Variants in TAX1BP1 observed in about 807,000 individuals in gnomAD.
TAX1BP1 encodes tax1-binding protein 1.
In TAX1BP1, 62 loss-of-function variants were observed where a neutral mutation model predicts 97.7. That is an observed-to-expected ratio of 0.63 (90% confidence interval 0.52 to 0.78). The LOEUF (loss-of-function observed/expected upper bound fraction) is 0.78. Ranked by LOEUF, TAX1BP1 falls within the 30% of genes least tolerant of loss-of-function variation. The pLI is 0.00. For synonymous variants in TAX1BP1, 340 were observed against 304.2 expected (o/e 1.12, Z -1.23); for missense variants, 867 against 916.1 (o/e 0.95, Z 0.69).
intron 8 of TAX1BP1, 62 bp from the exon 9 acceptor site, chr7:27,791,944 T>C: frequency 6.5e-7 from 1 of 1,534,870 alleles, no homozygotes; most frequent in East Asian, 2.3e-5. Context: ...GCGAAAATTG[T>C]TTCTGCTTCT....
At chr7:27,803,405 A>G (rs909941425) in intron 13 of TAX1BP1, among the ~76,000 whole-genome samples, 18 of 152,242 alleles carry the variant, frequency 1.2e-4, no homozygotes, top group Admixed American at 1.0e-3. Flanking sequence ...ACATTCACAT[A>G]GAGCAATACA....
At chr7:27,743,093 T>C (rs1787682112) in intron 1 of TAX1BP1, among the ~76,000 whole-genome samples, 1 of 152,182 alleles carries the variant, frequency 6.6e-6, no homozygotes, top group Admixed American at 6.5e-5. Flanking sequence ...GCCAATATCA[T>C]AGCATTTTAG....
chr7:27,806,635 T>C (rs567639113), intron 13 of TAX1BP1, among the ~76,000 whole-genome samples: 2 of 152,274 alleles, frequency 1.3e-5, no homozygotes, highest in African/African-American at 4.8e-5. Flanking sequence ...GGTAGTAACA[T>C]GGTGTTTTAA....
At chr7:27,794,539 T>C (rs1334480348) in intron 11 of TAX1BP1, 93 bp downstream of exon 11, 1 of 1,361,480 alleles carries the variant, frequency 7.3e-7, no homozygotes, top group Non-Finnish European at 9.7e-7. Flanking sequence ...AGGATGTTCA[T>C]AAAAATTTTC....
rs1440493926 is a variant in TAX1BP1 at position 27,785,415 on chromosome 7, A to G, written c.778A>G (p.Lys260Glu). 1.2e-6 allele frequency: 2 copies of G among 1,612,780 alleles called. No homozygotes were observed. Among genetic ancestry groups the G allele is most frequent in the South Asian group, 2.2e-5 (2 of 90,714 alleles). Residue 260 changes from lysine to glutamate, a missense_variant, in exon 7 of 17, where the codon AAG (lysine) becomes GAG (glutamate). Transcript: ENST00000396319. ...TELDSLKDKL[K>E]KAQHEREQLE... ...CTATCTTAGTTTAAAGGACAAACTC[A>G]AGAAGGCACAACATGAAAGAGAACA... is the stretch of plus-strand genomic sequence containing the variant.
chr7:27,783,151 G>A (rs17155836), intron 5 of TAX1BP1, among the ~76,000 whole-genome samples: 19,906 of 152,034 alleles, frequency 0.13, 1,555 homozygotes, highest in African/African-American at 0.21. Context: ...TTTCATATCG[G>A]CATACAATGT....
At chr7:27,799,888 A>G (rs1273764165) in intron 12 of TAX1BP1, 77 bp from the exon 13 acceptor site, 5 of 1,187,822 alleles carry the variant, frequency 4.2e-6, no homozygotes, top group African/African-American at 3.1e-5. Context: ...TGTTCAGCCC[A>G]TATCTAAGTA....
intron 4 of TAX1BP1, among the ~76,000 whole-genome samples, chr7:27,767,864 TG>T (rs1176676113): frequency 2.6e-5 from 4 of 152,134 alleles, no homozygotes; most frequent in Non-Finnish European, 4.4e-5. Context: ...TGAGATTAAA[TG>T]TTTTTTTAAC....
chr7:27,825,670 G>A lies in TAX1BP1; in HGVS notation c.2086-2068G>A, dbSNP rs1477216815. Among the ~76,000 whole-genome samples the A allele has an allele frequency of 3.3e-5, 5 of 152,136 alleles. No individual in the cohort carries two copies. The East Asian group carries it at 5.8e-4, about 18-fold the overall frequency. ...TTACTTCTACCTTTTTTCCCCTCCAGGTATTTAACGAGCAGGGTTAACATG... is the reference window on the plus strand; with the variant it reads ...TTACTTCTACCTTTTTTCCCCTCCAAGTATTTAACGAGCAGGGTTAACATG... On this transcript the variant is annotated intron_variant, in intron 15 of 16. Transcript: ENST00000396319.
At chr7:27,747,224 G>A (rs139215796) in intron 1 of TAX1BP1, among the ~76,000 whole-genome samples, 4 of 152,258 alleles carry the variant, frequency 2.6e-5, no homozygotes, top group African/African-American at 4.8e-5. Context: ...GTGATTGTAC[G>A]GAGCCTGTGA....
intron 13 of TAX1BP1, among the ~76,000 whole-genome samples, chr7:27,809,304 A>C (rs1006366224): frequency 6.6e-6 from 1 of 152,256 alleles, no homozygotes; most frequent in Admixed American, 6.5e-5. Flanking sequence ...AATATGAAAC[A>C]AATCTGTTTG....
At chr7:27,813,177 A>G (rs908677761) in intron 13 of TAX1BP1, among the ~76,000 whole-genome samples, 7 of 131,120 alleles carry the variant, frequency 5.3e-5, no homozygotes, top group Non-Finnish European at 4.7e-5. Context: ...TCTTAAAGAC[A>G]GCATCTCCCT....
At chr7:27,812,872 A>G (rs987381975) in intron 13 of TAX1BP1, among the ~76,000 whole-genome samples, 1 of 152,180 alleles carries the variant, frequency 6.6e-6, no homozygotes, top group African/African-American at 2.4e-5. Flanking sequence ...TATATGCTAA[A>G]TCTGGCTTTA....
At chr7:27,800,730 G>A (rs1790102072) in intron 13 of TAX1BP1, among the ~76,000 whole-genome samples, 1 of 152,118 alleles carries the variant, frequency 6.6e-6, no homozygotes, top group African/African-American at 2.4e-5. Context: ...AGCAAGTGAT[G>A]TAATCTTAAC....
intron 1 of TAX1BP1, among the ~76,000 whole-genome samples, chr7:27,746,905 G>A (rs1318346039): frequency 3.9e-5 from 6 of 152,160 alleles, no homozygotes; most frequent in Non-Finnish European, 8.8e-5. Flanking sequence ...ATTTTTTAAA[G>A]TGCTTATTAT....
At chr7:27,745,996 A>G (rs1583661994) in intron 1 of TAX1BP1, among the ~76,000 whole-genome samples, 1 of 152,124 alleles carries the variant, frequency 6.6e-6, no homozygotes, top group Non-Finnish European at 1.5e-5. Context: ...TCAGTGAACT[A>G]AAAGTATAAG....
At chr7:27,821,628 C>T (rs1014930611) in intron 15 of TAX1BP1, among the ~76,000 whole-genome samples, 11 of 123,170 alleles carry the variant, frequency 8.9e-5, no homozygotes, top group Admixed American at 5.0e-4. Flanking sequence ...GAGCAAGACT[C>T]GGTCTCAAAA....
chr7:27,811,022 T>G (rs766901879), intron 13 of TAX1BP1, among the ~76,000 whole-genome samples: 6 of 152,114 alleles, frequency 3.9e-5, no homozygotes, highest in Non-Finnish European at 8.8e-5. Flanking sequence ...TTACCACAAT[T>G]AATTGCTAAT....
chr7:27,765,279 C>T (rs1788591506), intron 3 of TAX1BP1, among the ~76,000 whole-genome samples: 1 of 151,780 alleles, frequency 6.6e-6, no homozygotes, highest in African/African-American at 2.4e-5. Flanking sequence ...CTTGGCCTTC[C>T]AAAGTGCTGG....
Sources: gnomAD v4.1 joint callset for allele counts (sites outside exome capture counted in the v4.1 genomes callset) on GRCh38, gnomAD v4.1.1 for gene constraint, MANE v1.5 for transcripts, NCBI Gene and HGNC (gene_info 2026-07-23, HGNC 2026-07-21) for gene names.